Variants in RBFOX3 observed in about 807,000 individuals in gnomAD.
RBFOX3 encodes RNA binding fox-1 homolog 3.
Under a neutral mutation model 48.7 loss-of-function variants are expected in RBFOX3, and 17 were observed. That is an observed-to-expected ratio of 0.35 (90% CI 0.24 to 0.52). RBFOX3 has a LOEUF of 0.52. Ranked by LOEUF, RBFOX3 falls within the 20% of genes least tolerant of loss-of-function variation. RBFOX3 has a pLI of 0.94. For missense variants in RBFOX3, 382 were observed against 497.5 expected, an observed-to-expected ratio of 0.77 and a Z score of 2.21; for synonymous variants, 212 against 209.5, an observed-to-expected ratio of 1.01 and a Z score of -0.10.
At chr17:79,193,518 C>G (rs2054946506) in intron 4 of RBFOX3, among the ~76,000 whole-genome samples, 1 of 152,204 alleles carries the variant, frequency 6.6e-6, no homozygotes, top group South Asian at 2.1e-4. Context: ...ATTCCCCCTG[C>G]TCTGCCTCTA....
intron 3 of RBFOX3, among the ~76,000 whole-genome samples, chr17:79,269,814 C>T (rs2067351531): frequency 6.7e-6 from 1 of 148,862 alleles, no homozygotes; most frequent in Admixed American, 6.6e-5. Flanking sequence ...TAAACATCAT[C>T]ACAAGCAAGC....
chr17:79,161,962 G>A (rs1042311182), intron 4 of RBFOX3, among the ~76,000 whole-genome samples: 7 of 152,204 alleles, frequency 4.6e-5, no homozygotes, highest in Admixed American at 4.6e-4. Context: ...GAGGCTATGA[G>A]GCCCCAGCGG....
chr17:79,546,272 G>C lies in RBFOX3; in HGVS notation c.-319-63674C>G, dbSNP rs141940357. On this transcript the variant is annotated intron_variant, in intron 1 of 14. Coordinates refer to ENST00000693108, the MANE Select transcript of RBFOX3 (RefSeq NM_001350451.2). ...CTCTCCCACCAACACAGAGGATCCA[G>C]CTTGACACCCCAGAAAGGAAGCACA... Among the ~76,000 whole-genome samples the C allele has an allele frequency of 3.3e-5, 5 of 152,304 alleles. No homozygotes were observed. In the East Asian group the frequency reaches 9.6e-4, roughly 29 times the overall value.
chr17:79,185,052 G>A (rs180735334), intron 4 of RBFOX3, among the ~76,000 whole-genome samples: 272 of 152,228 alleles, frequency 1.8e-3, no homozygotes, highest in African/African-American at 5.3e-3. Context: ...TTTGAACAAG[G>A]CAGGTAGGTG....
intron 4 of RBFOX3, among the ~76,000 whole-genome samples, chr17:79,196,045 G>A (rs2055519946): frequency 6.6e-6 from 1 of 152,224 alleles, no homozygotes; most frequent in African/African-American, 2.4e-5. Flanking sequence ...AAGGCAGAGG[G>A]AAGGAAGTGG....
chr17:79,563,069 G>A (rs1397598242), intron 1 of RBFOX3, among the ~76,000 whole-genome samples: 3 of 152,204 alleles, frequency 2.0e-5, no homozygotes, highest in Admixed American at 6.5e-5. Context: ...GCGGGCGGGG[G>A]GAGCAAGAAG....
chr17:79,178,060 C>T (rs1228104227), intron 4 of RBFOX3, among the ~76,000 whole-genome samples: 1 of 152,246 alleles, frequency 6.6e-6, no homozygotes, highest in Non-Finnish European at 1.5e-5. Context: ...ACCGAGCAGC[C>T]CCCATCTGTG....
chr17:79,259,408 C>T (rs892912149), intron 3 of RBFOX3, among the ~76,000 whole-genome samples: 1 of 152,160 alleles, frequency 6.6e-6, no homozygotes, highest in Non-Finnish European at 1.5e-5. Context: ...GCCTGTACCC[C>T]AGAGGCGAAT....
chr17:79,433,461 T>TTGGC lies in RBFOX3; in HGVS notation c.-175+48989_-175+48992dup, dbSNP rs1193438329. Among the ~76,000 whole-genome samples the TTGGC allele has an allele frequency of 1.2e-3, 179 of 152,364 alleles. 2 individuals are homozygous for TTGGC. Among genetic ancestry groups the TTGGC allele is most frequent in the African/African-American group, 3.9e-3 (163 of 41,592 alleles). ...ATTACTCCACCCTGTGACATTGTGC[T>TTGGC]TGGCTGGCTGGCTGGCTTTTACCAA... is the stretch of plus-strand genomic sequence containing the variant. On this transcript the variant is annotated intron_variant, in intron 2 of 14. Transcript: ENST00000693108.
intron 4 of RBFOX3, among the ~76,000 whole-genome samples, chr17:79,182,658 C>A (rs556426578): frequency 5.0e-4 from 76 of 152,058 alleles, no homozygotes; most frequent in African/African-American, 1.8e-3. Flanking sequence ...CCAACCCCAA[C>A]TCGCCAGCCG....
At chr17:79,285,040 T>C (rs953644494) in intron 3 of RBFOX3, among the ~76,000 whole-genome samples, 22 of 152,220 alleles carry the variant, frequency 1.4e-4, no homozygotes, top group African/African-American at 5.1e-4. Flanking sequence ...TGGCAAATGA[T>C]TCCACTCCCT....
chr17:79,517,412 A>C (rs1413099636), intron 1 of RBFOX3, among the ~76,000 whole-genome samples: 11 of 147,122 alleles, frequency 7.5e-5, no homozygotes, highest in African/African-American at 2.8e-4. Flanking sequence ...GCCACTGCAC[A>C]TCAGCCTGGA....
At chr17:79,517,723 G>A (rs1354311024) in intron 1 of RBFOX3, among the ~76,000 whole-genome samples, 1 of 152,118 alleles carries the variant, frequency 6.6e-6, no homozygotes, top group East Asian at 1.9e-4. Context: ...AAACCCCACG[G>A]TCATTAAATA....
intron 1 of RBFOX3, among the ~76,000 whole-genome samples, chr17:79,540,489 G>A (rs2089523808): frequency 6.6e-6 from 1 of 152,226 alleles, no homozygotes; most frequent in Non-Finnish European, 1.5e-5. Context: ...GTGTCAGGCA[G>A]GGCTGCCCCA....
chr17:79,651,014 C>T, the RBFOX3 span, among the ~76,000 whole-genome samples: 2,332 of 152,328 alleles, frequency 0.015, 56 homozygotes, highest in African/African-American at 0.053. Context: ...GCTCCGCCAG[C>T]GCCATCCAGG....
intron 1 of RBFOX3, among the ~76,000 whole-genome samples, chr17:79,521,282 G>T (rs934402906): frequency 8.0e-6 from 1 of 125,696 alleles, no homozygotes. Flanking sequence ...ACAGACACAT[G>T]CACAGACACA....
rs557943761 is a variant in RBFOX3 at position 79,394,128 on chromosome 17, G to A, written c.-174-86304C>T. On this transcript the variant is annotated intron_variant, in intron 2 of 14. Coordinates refer to ENST00000693108, the MANE Select transcript of RBFOX3 (RefSeq NM_001350451.2). ...GCACATCGTCTGAGCCAATCATCAC[G>A]CACATCTGAGTTGGTCCCCGCGCAC... Among the ~76,000 whole-genome samples the A allele has an allele frequency of 5.4e-4, 82 of 152,154 alleles. 1 individual carries two copies. The highest frequency in any genetic ancestry group is 1.9e-3 in the African/African-American group (77 of 41,492).
At chr17:79,341,777 G>C (rs1319752216) in intron 2 of RBFOX3, among the ~76,000 whole-genome samples, 1 of 152,190 alleles carries the variant, frequency 6.6e-6, no homozygotes, top group Non-Finnish European at 1.5e-5. Context: ...ACAGAAAGAG[G>C]AGTGGCGAGC....
intron 4 of RBFOX3, 71 bp from the exon 5 acceptor site, chr17:79,115,819 T>G (rs979830480): frequency 1.7e-6 from 1 of 576,958 alleles, no homozygotes; most frequent in African/African-American, 1.9e-5. Flanking sequence ...GGATGGGGCC[T>G]TGTGGCTGAG....
Sources: gnomAD v4.1 joint callset for allele counts (sites outside exome capture counted in the v4.1 genomes callset) on GRCh38, gnomAD v4.1.1 for gene constraint, MANE v1.5 for transcripts, NCBI Gene and HGNC (gene_info 2026-07-23, HGNC 2026-07-21) for gene names.